Variants in MAD1L1 observed in about 807,000 individuals in gnomAD.
MAD1L1 encodes the protein mitotic spindle assembly checkpoint protein MAD1.
MAD1L1 carries 95 observed loss-of-function variants against 96.9 expected under a neutral mutation model. The observed-to-expected ratio is 0.98, with a 90% CI of 0.83 to 1.16. The LOEUF (loss-of-function observed/expected upper bound fraction) is 1.16, where lower values mean the gene tolerates loss of function less well. MAD1L1 is among the 50% of genes most tolerant of loss of function. The pLI is 0.00. For synonymous variants in MAD1L1, 473 were observed against 396.6 expected (o/e 1.19, Z -2.29); for missense variants, 1,007 against 954.4 (o/e 1.06, Z -0.73).
At chr7:2,183,779 C>T (rs549919482) in intron 10 of MAD1L1, among the ~76,000 whole-genome samples, 2 of 152,146 alleles carry the variant, frequency 1.3e-5, no homozygotes, top group South Asian at 4.2e-4. Context: ...GGAGGGACAG[C>T]ATTAGGAGAT....
intron 18 of MAD1L1, chr7:1,849,116 A>ACACATGCACACACACATACACGTG (rs1562454469): frequency 1.3e-4 from 13 of 99,682 alleles, no homozygotes; most frequent in African/African-American, 4.0e-4. Context: ...ATACACGTGC[A>ACACATGCACACACACATACACGTG]CACACAGACA....
chr7:1,936,048 T>A (rs375413599), intron 17 of MAD1L1, among the ~76,000 whole-genome samples: 14 of 152,170 alleles, frequency 9.2e-5, no homozygotes, highest in African/African-American at 3.4e-4. Flanking sequence ...TCGCTGGGGG[T>A]GCAGACTGCA....
At chr7:2,195,179 C>A (rs905234282) in intron 10 of MAD1L1, among the ~76,000 whole-genome samples, 1 of 152,104 alleles carries the variant, frequency 6.6e-6, no homozygotes, top group Admixed American at 6.5e-5. Flanking sequence ...ATCTATGCCA[C>A]TTCAGCTAAG....
chr7:2,143,780 G>A (rs535173743), intron 11 of MAD1L1, among the ~76,000 whole-genome samples: 32 of 152,216 alleles, frequency 2.1e-4, no homozygotes, highest in Middle Eastern at 3.4e-3. Context: ...AACAAACTGC[G>A]GCGATCACAG....
intron 10 of MAD1L1, among the ~76,000 whole-genome samples, chr7:2,154,543 ACCCTAAACTTGCC>A (rs1376464446): frequency 2.0e-5 from 3 of 152,180 alleles, no homozygotes; most frequent in Non-Finnish European, 4.4e-5. Context: ...TACCCCAAAT[ACCCTAAACTTGCC>A]CATTCCACAT....
Position 2,142,419 on chromosome 7 carries a change from G to A in MAD1L1, c.1073+6733C>T, listed in dbSNP as rs141353793. Among the ~76,000 whole-genome samples, 16 of 152,314 alleles carry A rather than the reference G, an allele frequency of 1.1e-4. No individual in the cohort carries two copies. Among genetic ancestry groups the A allele is most frequent in the South Asian group, 2.1e-4 (1 of 4,826 alleles). ...CGTCCCAGGCATGGTCCGGGGCTGC[G>A]GGAGAAACTCTTGGGACCAGCCCCA... On this transcript the variant is annotated intron_variant, in intron 11 of 18. Coordinates refer to ENST00000265854, the MANE Select transcript of MAD1L1 (RefSeq NM_001013836.2). This position sits in a 1 kb window ranked among gnomAD's most constrained non-coding sequence, Gnocchi z 4.7.
intron 12 of MAD1L1, among the ~76,000 whole-genome samples, chr7:2,017,754 G>T (rs1004828564): frequency 2.0e-5 from 3 of 152,206 alleles, no homozygotes; most frequent in Non-Finnish European, 1.5e-5. Flanking sequence ...TTGAGTATAA[G>T]CCCCAAGCAT....
chr7:1,959,549 C>T lies in MAD1L1; in HGVS notation c.1506-1830G>A, dbSNP rs191041583. 2.6e-4 allele frequency among the ~76,000 whole-genome samples: 39 copies of T among 152,212 alleles called. No individual in the cohort carries two copies. In the Middle Eastern group the frequency reaches 0.01, roughly 40 times the overall value. ...ATCAGGACAAGCCTGCTCAGGACCA[C>T]GGCACGGAAAACCATCTTAAAGGCA... On this transcript the variant is annotated intron_variant, in intron 15 of 18. Transcript: ENST00000265854.
chr7:1,966,175 G>GC (rs1780158960), intron 15 of MAD1L1, among the ~76,000 whole-genome samples: 1 of 152,364 alleles, frequency 6.6e-6, no homozygotes, highest in East Asian at 1.9e-4. Context: ...TGGGAACCGC[G>GC]CCCCACAGAA....
intron 12 of MAD1L1, among the ~76,000 whole-genome samples, chr7:2,057,167 G>A (rs774500161): frequency 2.7e-4 from 41 of 152,206 alleles, no homozygotes; most frequent in Non-Finnish European, 2.9e-5. Flanking sequence ...CGAGTCTGCT[G>A]TGCAGCTCCC....
intron 14 of MAD1L1, among the ~76,000 whole-genome samples, chr7:1,989,994 G>T (rs60432611): frequency 6.6e-6 from 1 of 152,100 alleles, no homozygotes; most frequent in Non-Finnish European, 1.5e-5. Flanking sequence ...TGCTCCCAGG[G>T]GCCTTCCCTA....
intron 10 of MAD1L1, among the ~76,000 whole-genome samples, chr7:2,154,970 G>T (rs896866642): frequency 6.6e-6 from 1 of 152,196 alleles, no homozygotes; most frequent in Non-Finnish European, 1.5e-5. Context: ...AACCAAGCGG[G>T]GTGGGGAGGA....
intron 18 of MAD1L1, among the ~76,000 whole-genome samples, chr7:1,888,509 CGTGT>C (rs575111236): frequency 1.4e-5 from 2 of 140,972 alleles, no homozygotes; most frequent in African/African-American, 5.4e-5. Flanking sequence ...GCTGCCTGTT[CGTGT>C]GTGTGCATGC....
chr7:1,846,403 A>G (rs1457525804), intron 18 of MAD1L1: 1 of 152,672 alleles, frequency 6.5e-6, no homozygotes, highest in Non-Finnish European at 1.5e-5. Context: ...AGGTTTATAA[A>G]CACCAGCAGG....
At chr7:1,946,315 T>C (rs1454433398) in intron 16 of MAD1L1, among the ~76,000 whole-genome samples, 1 of 152,174 alleles carries the variant, frequency 6.6e-6, no homozygotes, top group Non-Finnish European at 1.5e-5. Context: ...CCTAGGGCGC[T>C]GAGCACTGTG....
At chr7:2,111,432 G>A (rs1787375312) in intron 11 of MAD1L1, among the ~76,000 whole-genome samples, 1 of 152,218 alleles carries the variant, frequency 6.6e-6, no homozygotes, top group Admixed American at 6.5e-5. Flanking sequence ...AATGAATGAG[G>A]TACAGTCTTT....
intron 17 of MAD1L1, among the ~76,000 whole-genome samples, chr7:1,905,721 G>A (rs550762851): frequency 7.2e-5 from 11 of 152,280 alleles, no homozygotes; most frequent in South Asian, 2.1e-4. Context: ...GAGTGAGGCC[G>A]GCCTGACCCC....
chr7:2,216,158 G>A lies in MAD1L1; in HGVS notation c.808C>T (p.Arg270Trp), dbSNP rs376988221. Residue 270 changes from arginine (R) to tryptophan (W), a missense_variant and splice_region_variant, in exon 8 of 19, where the codon CGG (arginine) becomes TGG (tryptophan). By Grantham distance (101) the Arg-to-Trp change is moderately radical. Transcript: ENST00000265854. Reference sequence around the variant, plus strand: ...GCCCCATCCCCCGCAACCCCTCACCGCAGGTGCGCGCTCTCCTCCCGCAGC... The same window carrying A: ...GCCCCATCCCCCGCAACCCCTCACCACAGGTGCGCGCTCTCCTCCCGCAGC... ...KQLREESAHL[R>W]EMRETNGLLQ... 179 of 1,612,224 alleles carry A rather than the reference G, an allele frequency of 1.1e-4. 1 individual carries two copies. In the African/African-American group the frequency reaches 1.5e-3, roughly 13 times the overall value.
chr7:1,826,988 C>T (rs1425086832), intron 18 of MAD1L1, among the ~76,000 whole-genome samples: 11 of 152,200 alleles, frequency 7.2e-5, no homozygotes, highest in Non-Finnish European at 1.5e-5. Flanking sequence ...TCTATTTATA[C>T]AGCTCCCCCT....
Sources: gnomAD v4.1 joint callset for allele counts (sites outside exome capture counted in the v4.1 genomes callset) on GRCh38, gnomAD v4.1.1 for gene constraint, Gnocchi (gnomAD v3.1) non-coding constraint, MANE v1.5 for transcripts, NCBI Gene and HGNC (gene_info 2026-07-23, HGNC 2026-07-21) for gene names.